The following GALNTL6 variants were observed in gnomAD, a reference collection of about 807,000 sequenced individuals.
The protein encoded by GALNTL6 is polypeptide N-acetylgalactosaminyltransferase like 6.
Under a neutral mutation model 73.7 loss-of-function variants are expected in GALNTL6, and 46 were observed. The ratio of observed to expected loss-of-function variants is 0.62; its 90% CI spans 0.49 to 0.80. The LOEUF (loss-of-function observed/expected upper bound fraction) is 0.80. Among genes scored for constraint, GALNTL6 ranks in the 30% least tolerant of loss-of-function variants. GALNTL6 has a pLI of 0.00. For missense variants in GALNTL6, 604 were observed against 755.0 expected, an observed-to-expected ratio of 0.80 and a Z score of 2.34; for synonymous variants, 259 against 263.7, an observed-to-expected ratio of 0.98 and a Z score of 0.17.
intron 3 of GALNTL6, among the ~76,000 whole-genome samples, chr4:172,237,248 G>T (rs1351027833): frequency 6.6e-6 from 1 of 152,152 alleles, no homozygotes; most frequent in East Asian, 1.9e-4. Context: ...GCATTACTGG[G>T]TTGAATGGCA....
At chr4:172,157,420 C>G (rs1451630559) in intron 2 of GALNTL6, among the ~76,000 whole-genome samples, 1 of 152,148 alleles carries the variant, frequency 6.6e-6, no homozygotes, top group Non-Finnish European at 1.5e-5. Flanking sequence ...ACTCTATCTT[C>G]CTTTTGATTT....
At chr4:172,932,076 G>T (rs1424130494) in intron 9 of GALNTL6, among the ~76,000 whole-genome samples, 1 of 152,128 alleles carries the variant, frequency 6.6e-6, no homozygotes, top group Non-Finnish European at 1.5e-5. Context: ...ATCAAATCCT[G>T]AATTATTCAT....
chr4:172,212,220 G>T (rs1736347671), intron 2 of GALNTL6, among the ~76,000 whole-genome samples: 1 of 151,934 alleles, frequency 6.6e-6, no homozygotes, highest in African/African-American at 2.4e-5. Flanking sequence ...GGAGTGCAGT[G>T]GTGTGATCTG....
chr4:171,967,572 T>C (rs1431880813), intron 2 of GALNTL6, among the ~76,000 whole-genome samples: 2 of 152,080 alleles, frequency 1.3e-5, no homozygotes, highest in Non-Finnish European at 2.9e-5. Flanking sequence ...GCATTTCATG[T>C]CTAATTTATA....
chr4:172,055,246 T>C (rs956667167), intron 2 of GALNTL6, among the ~76,000 whole-genome samples: 2 of 152,138 alleles, frequency 1.3e-5, no homozygotes, highest in African/African-American at 4.8e-5. Context: ...CGCTTTCAGA[T>C]GTAGGCAGAA....
At chr4:172,017,773 G>A (rs1171827735) in intron 2 of GALNTL6, among the ~76,000 whole-genome samples, 1 of 152,038 alleles carries the variant, frequency 6.6e-6, no homozygotes, top group African/African-American at 2.4e-5. Context: ...CAGGATTATT[G>A]CTCTTCTGGA....
At chr4:172,849,362 A>G (rs1413818950) in intron 7 of GALNTL6, among the ~76,000 whole-genome samples, 2 of 152,174 alleles carry the variant, frequency 1.3e-5, no homozygotes, top group Non-Finnish European at 1.5e-5. Flanking sequence ...AAGTGAAAAA[A>G]TGTCTCATTC....
intron 5 of GALNTL6, among the ~76,000 whole-genome samples, chr4:172,621,307 A>G (rs1738943136): frequency 6.6e-6 from 1 of 152,194 alleles, no homozygotes; most frequent in Admixed American, 6.5e-5. Context: ...ATCCCATCTC[A>G]GCCTCCTAAA....
chr4:172,337,136 C>A (rs1193106231), intron 4 of GALNTL6, among the ~76,000 whole-genome samples: 1 of 151,982 alleles, frequency 6.6e-6, no homozygotes, highest in African/African-American at 2.4e-5. Context: ...TTTCTCCAAC[C>A]TTTCACTTTA....
chr4:172,753,273 C>T (rs758662023), intron 5 of GALNTL6, among the ~76,000 whole-genome samples: 9 of 152,152 alleles, frequency 5.9e-5, no homozygotes, highest in Non-Finnish European at 1.0e-4. Context: ...TGTGAAGCCC[C>T]CACCTCAGCC....
chr4:172,083,016 C>A (rs1731925220), intron 2 of GALNTL6, among the ~76,000 whole-genome samples: 1 of 151,942 alleles, frequency 6.6e-6, no homozygotes, highest in Non-Finnish European at 1.5e-5. Context: ...AATCTTCTTC[C>A]TCTCAGCTCA....
At chr4:171,934,961 A>T (rs1159156872) in intron 2 of GALNTL6, among the ~76,000 whole-genome samples, 1 of 152,060 alleles carries the variant, frequency 6.6e-6, no homozygotes, top group Non-Finnish European at 1.5e-5. Flanking sequence ...TATTCCAATG[A>T]TCCCAAACCC....
intron 5 of GALNTL6, among the ~76,000 whole-genome samples, chr4:172,707,378 A>T (rs1579370248): frequency 6.6e-6 from 1 of 152,128 alleles, no homozygotes; most frequent in Non-Finnish European, 1.5e-5. Context: ...CTATTGACAC[A>T]CCTCTTAAAA....
chr4:172,524,582 C>T (rs752824658), intron 5 of GALNTL6, among the ~76,000 whole-genome samples: 3 of 152,130 alleles, frequency 2.0e-5, no homozygotes, highest in Non-Finnish European at 4.4e-5. Flanking sequence ...GGTTCGTGAA[C>T]GTTATAACTA....
chr4:173,030,621 G>A (rs529819929), intron 12 of GALNTL6, among the ~76,000 whole-genome samples: 21 of 152,166 alleles, frequency 1.4e-4, no homozygotes, highest in Admixed American at 7.2e-4. Flanking sequence ...AAGCAGGTGC[G>A]GGGTGGGAGC....
chr4:172,819,176 A>G (rs957120414), intron 7 of GALNTL6, among the ~76,000 whole-genome samples: 3 of 152,212 alleles, frequency 2.0e-5, no homozygotes, highest in African/African-American at 7.2e-5. Flanking sequence ...CCTCTTTGCT[A>G]CAGAGAGTTG....
chr4:172,913,612 C>T (rs575422917), intron 8 of GALNTL6, among the ~76,000 whole-genome samples: 14 of 151,878 alleles, frequency 9.2e-5, no homozygotes, highest in Non-Finnish European at 1.3e-4. Context: ...CTTCAGTAGC[C>T]GATTCAATCA....
At position 171,814,661 on chromosome 4, in the gene GALNTL6, C is replaced by T. The variant is rs1311888168; in HGVS notation, c.81C>T (p.Leu27=). The T allele has an allele frequency of 1.9e-6, 3 of 1,613,984 alleles. No homozygotes were observed. Among genetic ancestry groups the T allele is most frequent in the African/African-American group, 2.7e-5 (2 of 74,924 alleles). ...VALIFLPNVG[L]WSLYKDKHLV... is the part of the protein sequence containing the mutation. ...TAATTTTCCTGCCTAACGTTGGTCT[C>T]TGGTCTCTGTACAAGGATAAGCACC... The change falls in exon 2 of 13, where the codon CTC becomes CTT. Residue 27 remains leucine, a synonymous_variant. Coordinates refer to ENST00000506823, the MANE Select transcript of GALNTL6 (RefSeq NM_001034845.3).
chr4:172,875,820 A>C (rs1483733573), intron 7 of GALNTL6, among the ~76,000 whole-genome samples: 1 of 152,060 alleles, frequency 6.6e-6, no homozygotes, highest in Non-Finnish European at 1.5e-5. Context: ...GGGACAAAGC[A>C]TCTTGGTCAC....
Sources: allele counts gnomAD v4.1 joint callset (sites outside exome capture counted in the v4.1 genomes callset), GRCh38; gene constraint gnomAD v4.1.1; transcripts MANE v1.5; gene names NCBI Gene and HGNC (gene_info 2026-07-23, HGNC 2026-07-21).